Variants in RPH3AL observed in about 807,000 individuals in gnomAD.
RPH3AL encodes rabphilin 3A like (without C2 domains), also known as rab effector Noc2.
RPH3AL carries 38 observed loss-of-function variants against 43.1 expected under a neutral mutation model. The ratio of observed to expected loss-of-function variants is 0.88; its 90% CI spans 0.68 to 1.15. RPH3AL has a LOEUF of 1.15. RPH3AL is among the 50% of genes most tolerant of loss of function. The pLI is 0.00. For missense variants in RPH3AL, 462 were observed against 423.2 expected, an observed-to-expected ratio of 1.09 and a Z score of -0.81; for synonymous variants, 189 against 176.3, an observed-to-expected ratio of 1.07 and a Z score of -0.57.
chr17:327,586 T>A lies in RPH3AL; in HGVS notation c.-36-7A>T, dbSNP rs1277094522. On this transcript the variant is annotated splice_region_variant and splice_polypyrimidine_tract_variant and intron_variant, in intron 2 of 9. Transcript: ENST00000331302. ...TGGGGGTGGGGAGTCACATCTGAGA[T>A]GAAGGAGGGAAGACGAAAGAGTGTG... The A allele has an allele frequency of 1.5e-5, 24 of 1,584,978 alleles. No homozygotes were observed. Among genetic ancestry groups the A allele is most frequent in the Non-Finnish European group, 2.1e-5 (24 of 1,155,234 alleles).
At chr17:320,386 A>G (rs375191666) in intron 4 of RPH3AL, among the ~76,000 whole-genome samples, 6 of 152,262 alleles carry the variant, frequency 3.9e-5, no homozygotes, top group African/African-American at 1.4e-4. Context: ...CTGACATCCC[A>G]GCCCTTTGTG....
In RPH3AL at chr17:244,440, G is replaced by T. The variant is rs544342298; in HGVS notation, c.613+2671C>A. On this transcript the variant is annotated intron_variant, in intron 7 of 9. Coordinates refer to ENST00000331302, the MANE Select transcript of RPH3AL (RefSeq NM_006987.4). ...AGAGGGAGAGAAGGGAAGAGAATGG[G>T]GGGGGAGAGGGAGAGAAAGAACTGG... is the stretch of plus-strand genomic sequence containing the variant. 4.0e-5 allele frequency among the ~76,000 whole-genome samples: 6 copies of T among 151,734 alleles called. No individual in the cohort carries two copies. In the East Asian group the frequency reaches 7.8e-4, roughly 20 times the overall value.
chr17:304,970 GGA>G, intron 5 of RPH3AL, among the ~76,000 whole-genome samples: 1 of 56,586 alleles, frequency 1.8e-5, no homozygotes, highest in African/African-American at 7.1e-5. Flanking sequence ...GGCGAGAGGG[GGA>G]CAGGGCGGGA....
chr17:299,556 G>A (rs2043269275), intron 5 of RPH3AL, among the ~76,000 whole-genome samples: 1 of 152,186 alleles, frequency 6.6e-6, no homozygotes, highest in African/African-American at 2.4e-5. Context: ...CAGGGAACAA[G>A]ACGGGCCAAG....
chr17:325,302 G>A (rs922634587), intron 3 of RPH3AL, among the ~76,000 whole-genome samples: 2 of 152,100 alleles, frequency 1.3e-5, no homozygotes, highest in Non-Finnish European at 2.9e-5. Flanking sequence ...ACATTATTAC[G>A]AGACAACATG....
rs1411847110 is a variant in RPH3AL at position 247,129 on chromosome 17, T to C, written c.595A>G (p.Thr199Ala). Residue 199 changes from threonine to alanine, a missense_variant, in exon 7 of 10, where the codon ACG (threonine) becomes GCG (alanine). Thr to Ala is a moderately conservative substitution (Grantham distance 58, BLOSUM62 0). Coordinates refer to ENST00000331302, the MANE Select transcript of RPH3AL (RefSeq NM_006987.4). Reference protein sequence around the residue: ...PRSSETSRIYTWARGRVVSSD... With the variant: ...PRSSETSRIYAWARGRVVSSD... ...GACTTACCTCTTCCTCGGGCCCACGTGTAGATGCGGCTGGTCTCAGAGCTT... is the reference window on the plus strand; with the variant it reads ...GACTTACCTCTTCCTCGGGCCCACGCGTAGATGCGGCTGGTCTCAGAGCTT... The C allele has an allele frequency of 6.2e-7, 1 of 1,614,036 alleles. No homozygotes were observed. The highest frequency in any genetic ancestry group is 2.2e-5 in the East Asian group (1 of 44,888).
intron 2 of RPH3AL, chr17:331,946 G>A: frequency 8.5e-7 from 1 of 1,173,304 alleles, no homozygotes; most frequent in Non-Finnish European, 1.1e-6. Context: ...TGGAAAAGCA[G>A]GGAAGGCAAA....
At position 258,357 on chromosome 17, in the gene RPH3AL, G is replaced by A. The variant is rs577020504; in HGVS notation, c.439-11072C>T. Among the ~76,000 whole-genome samples, 7 of 152,332 alleles carry A rather than the reference G, an allele frequency of 4.6e-5. No individual in the cohort carries two copies. In the South Asian group the frequency reaches 6.2e-4, roughly 14 times the overall value. On this transcript the variant is annotated intron_variant, in intron 6 of 9. Coordinates refer to ENST00000331302, the MANE Select transcript of RPH3AL (RefSeq NM_006987.4). ...GCAGCTGCGGGTCGTTTGCTGCAAC[G>A]TGTCTCAACCTACAGTCTGCCACCT...
chr17:325,014 A>G (rs2044585512), intron 3 of RPH3AL, among the ~76,000 whole-genome samples: 1 of 151,858 alleles, frequency 6.6e-6, no homozygotes, highest in African/African-American at 2.4e-5. Context: ...GTGTGCCAAC[A>G]CGACCGGCTA....
chr17:239,076 C>G (rs1178890878), intron 7 of RPH3AL, among the ~76,000 whole-genome samples: 1 of 152,170 alleles, frequency 6.6e-6, no homozygotes, highest in Non-Finnish European at 1.5e-5. Context: ...TTCCCCACCC[C>G]CTCCTGGGGA....
At chr17:332,996 G>C in intron 2 of RPH3AL, 2 of 1,283,972 alleles carry the variant, frequency 1.6e-6, no homozygotes, top group Non-Finnish European at 2.0e-6. Context: ...AGGGGACAGA[G>C]GCTCATCAGC....
intron 7 of RPH3AL, among the ~76,000 whole-genome samples, chr17:227,852 G>A (rs1174780559): frequency 6.6e-6 from 1 of 152,140 alleles, no homozygotes; most frequent in Admixed American, 6.5e-5. Context: ...CAAAGCAGAT[G>A]GTGGAAAATT....
intron 6 of RPH3AL, among the ~76,000 whole-genome samples, chr17:269,103 C>A (rs2042398737): frequency 6.6e-6 from 1 of 152,252 alleles, no homozygotes; most frequent in Non-Finnish European, 1.5e-5. Context: ...TGGTCTCGAT[C>A]TCCTGACCTC....
chr17:269,309 A>C (rs566789090), intron 6 of RPH3AL, among the ~76,000 whole-genome samples: 1 of 152,018 alleles, frequency 6.6e-6, no homozygotes, highest in Non-Finnish European at 1.5e-5. Flanking sequence ...TGACCTACTT[A>C]TTCTTTTTCC....
At chr17:352,475 G>C (rs530156920) in intron 1 of RPH3AL, 4 of 151,706 alleles carry the variant, frequency 2.6e-5, no homozygotes, top group Admixed American at 6.6e-5. Context: ...CCTGCGGCAC[G>C]AGGCTGTTCT....
At chr17:218,712 C>CCT (rs1359999980) in intron 8 of RPH3AL, among the ~76,000 whole-genome samples, 2 of 152,144 alleles carry the variant, frequency 1.3e-5, no homozygotes, top group Admixed American at 6.5e-5. Flanking sequence ...CCCCGTTAAC[C>CCT]CTCTTTCATA....
intron 2 of RPH3AL, chr17:332,870 C>A: frequency 1.8e-6 from 1 of 564,230 alleles, no homozygotes; most frequent in Non-Finnish European, 2.7e-6. Context: ...CTGGCCGGCC[C>A]AGCAGGCAGA....
In RPH3AL at chr17:225,594, A is replaced by G. The variant is rs901775401; in HGVS notation, c.614-5858T>C. The stretch of plus-strand genomic sequence containing the variant: ...GTGAAATTAGAGGCCTGTGGCTCAC[A>G]CTTCCCGGGAGCAGGGAGGTGTCCA... On this transcript the variant is annotated intron_variant, in intron 7 of 9. Transcript: ENST00000331302. This position sits in a 1 kb window ranked among gnomAD's most constrained non-coding sequence, Gnocchi z 4.4. Among the ~76,000 whole-genome samples the G allele has an allele frequency of 3.3e-5, 5 of 152,154 alleles. No homozygotes were observed. Among genetic ancestry groups the G allele is most frequent in the Admixed American group, 2.0e-4 (3 of 15,274 alleles).
Position 213,669 on chromosome 17 carries a change from C to G in RPH3AL, c.*183G>C, listed in dbSNP as rs2040723292. On this transcript the variant is annotated 3_prime_UTR_variant, in exon 10 of 10. Coordinates refer to ENST00000331302, the MANE Select transcript of RPH3AL (RefSeq NM_006987.4). The stretch of plus-strand genomic sequence containing the variant: ...TGGAGGGGGTGGCGGATGCAGACAG[C>G]TCCCCAGGAGAGAAGGGGTGCAGAA... 1.6e-6 allele frequency: 1 copy of G among 619,394 alleles called. No individual in the cohort carries two copies. The highest frequency in any genetic ancestry group is 2.9e-6 in the Non-Finnish European group (1 of 344,394). The allele number at this position is 619,394 out of a possible 1,614,324, so 38.4% of individuals were successfully genotyped here.
Sources: allele counts gnomAD v4.1 joint callset (sites outside exome capture counted in the v4.1 genomes callset), GRCh38; gene constraint gnomAD v4.1.1; non-coding constraint Gnocchi (gnomAD v3.1); transcripts MANE v1.5; gene names NCBI Gene and HGNC (gene_info 2026-07-23, HGNC 2026-07-21).